C1GALT1: variants seen among roughly 807,000 people sequenced by gnomAD.
C1GALT1 encodes core 1 synthase, glycoprotein-N-acetylgalactosamine 3-beta-galactosyltransferase 1, also known as glycoprotein-N-acetylgalactosamine 3-beta-galactosyltransferase 1.
A neutral mutation model predicts 31.0 loss-of-function variants in C1GALT1; 11 were observed. The ratio of observed to expected loss-of-function variants is 0.36; its 90% CI spans 0.22 to 0.59. C1GALT1 has a LOEUF of 0.59. C1GALT1 is among the 20% of genes least tolerant of loss of function. The pLI is 0.79. For missense variants in C1GALT1, 424 were observed against 425.2 expected, an observed-to-expected ratio of 1.00 and a Z score of 0.03; for synonymous variants, 175 against 143.6, an observed-to-expected ratio of 1.22 and a Z score of -1.56.
chr7:7,242,228 T>TTA (rs1554298061), intron 3 of C1GALT1, among the ~76,000 whole-genome samples: 2 of 141,162 alleles, frequency 1.4e-5, no homozygotes, highest in Non-Finnish European at 1.5e-5. Context: ...TTTTTTTTTT[T>TTA]ACATTTTTTA....
At chr7:7,182,934 C>A in intron 1 of C1GALT1, 114 bp downstream of exon 1, 1 of 806,396 alleles carries the variant, frequency 1.2e-6, no homozygotes, top group Non-Finnish European at 1.5e-6. Flanking sequence ...ACCCCGGGCG[C>A]GGCGGAACAG....
chr7:7,241,741 A>G (rs1783638944), intron 3 of C1GALT1, among the ~76,000 whole-genome samples: 1 of 151,816 alleles, frequency 6.6e-6, no homozygotes, highest in African/African-American at 2.4e-5. Context: ...TGAATTCTCT[A>G]TTTCTGATGA....
chr7:7,169,229 A>G (rs934538470), intron 2 of C1GALT1, among the ~76,000 whole-genome samples: 5 of 152,198 alleles, frequency 3.3e-5, no homozygotes, highest in African/African-American at 9.7e-5. Flanking sequence ...CTGTATGTGT[A>G]TAAAATATTT....
intron 1 of C1GALT1, among the ~76,000 whole-genome samples, chr7:7,198,446 T>C (rs1467219925): frequency 1.3e-5 from 2 of 152,256 alleles, no homozygotes; most frequent in Non-Finnish European, 2.9e-5. Flanking sequence ...AGTATTTTAT[T>C]GAGGATTTTC....
At chr7:7,207,828 A>G (rs1190969512) in intron 1 of C1GALT1, among the ~76,000 whole-genome samples, 1 of 150,522 alleles carries the variant, frequency 6.6e-6, no homozygotes, top group African/African-American at 2.4e-5. Context: ...TTTGCCAAAG[A>G]TCAGTCTGAG....
intron 1 of C1GALT1, among the ~76,000 whole-genome samples, chr7:7,211,626 C>G (rs1312660816): frequency 6.6e-6 from 1 of 152,182 alleles, no homozygotes; most frequent in Non-Finnish European, 1.5e-5. Context: ...TAGATAATTT[C>G]CATCTAAAAT....
chr7:7,201,164 A>G (rs1781515475), intron 1 of C1GALT1, among the ~76,000 whole-genome samples: 1 of 152,154 alleles, frequency 6.6e-6, no homozygotes, highest in Non-Finnish European at 1.5e-5. Context: ...GATGATGGTG[A>G]CGTACAAAAT....
At chr7:7,176,411 C>T (rs570731036) in intron 2 of C1GALT1, among the ~76,000 whole-genome samples, 34 of 152,246 alleles carry the variant, frequency 2.2e-4, no homozygotes, top group East Asian at 1.2e-3. Flanking sequence ...ACTAAAGAAA[C>T]TTCAACTATT....
At chr7:7,187,233 C>G (rs1035813587) in intron 1 of C1GALT1, among the ~76,000 whole-genome samples, 4 of 151,458 alleles carry the variant, frequency 2.6e-5, no homozygotes, top group Admixed American at 2.6e-4. Flanking sequence ...TAAAAGTAGT[C>G]TTATCTCTAT....
At chr7:7,218,994 C>G (rs1380812209) in intron 1 of C1GALT1, among the ~76,000 whole-genome samples, 1 of 151,796 alleles carries the variant, frequency 6.6e-6, no homozygotes, top group Non-Finnish European at 1.5e-5. Flanking sequence ...CCACCACACC[C>G]GGCTAATTTT....
At chr7:7,225,293 T>C (rs560591971) in intron 1 of C1GALT1, among the ~76,000 whole-genome samples, 4 of 152,340 alleles carry the variant, frequency 2.6e-5, no homozygotes, top group Admixed American at 6.5e-5. Flanking sequence ...TTCCAAACTG[T>C]TTCTTTGCTA....
At chr7:7,175,499 T>G (rs1780495971) in intron 2 of C1GALT1, among the ~76,000 whole-genome samples, 2 of 152,242 alleles carry the variant, frequency 1.3e-5, no homozygotes, top group South Asian at 4.1e-4. Flanking sequence ...CCAAAGAAAC[T>G]CTCTCCAGAT....
intron 1 of C1GALT1, among the ~76,000 whole-genome samples, chr7:7,184,196 C>T (rs182694506): frequency 8.3e-4 from 126 of 152,304 alleles, no homozygotes; most frequent in South Asian, 1.7e-3. Context: ...TATAAAGTTT[C>T]AAGTTAGCAA....
intron 2 of C1GALT1, among the ~76,000 whole-genome samples, chr7:7,170,667 C>T (rs906309611): frequency 1.3e-5 from 2 of 152,114 alleles, no homozygotes; most frequent in Admixed American, 6.6e-5. Context: ...TCTGTGATCC[C>T]ACTTACTCAG....
At chr7:7,203,455 G>A (rs1781604767) in intron 1 of C1GALT1, among the ~76,000 whole-genome samples, 1 of 151,924 alleles carries the variant, frequency 6.6e-6, no homozygotes, top group Non-Finnish European at 1.5e-5. Flanking sequence ...GACCATGTAG[G>A]GTTTTTTTTT....
chr7:7,170,462 A>G (rs1444283150), intron 2 of C1GALT1, among the ~76,000 whole-genome samples: 2 of 152,154 alleles, frequency 1.3e-5, no homozygotes. Context: ...ATGTTTTAAT[A>G]TATGTGTTTT....
chr7:7,235,414 C>G (rs1783290114), intron 2 of C1GALT1: 1 of 152,160 alleles, frequency 6.6e-6, no homozygotes, highest in Admixed American at 6.6e-5. Flanking sequence ...AACTAGCAAA[C>G]ATAAACATAC....
At chr7:7,222,806 G>T (rs919111584) in intron 1 of C1GALT1, among the ~76,000 whole-genome samples, 1 of 152,180 alleles carries the variant, frequency 6.6e-6, no homozygotes, top group African/African-American at 2.4e-5. Context: ...TTATGTCTAA[G>T]ATTTGCATTA....
At chr7:7,199,161 C>G (rs1209518557) in intron 1 of C1GALT1, among the ~76,000 whole-genome samples, 3 of 152,298 alleles carry the variant, frequency 2.0e-5, no homozygotes, top group African/African-American at 7.2e-5. Context: ...CCTGCTTTCT[C>G]TTGTGGTCAT....
Sources: gnomAD v4.1 joint callset for allele counts (sites outside exome capture counted in the v4.1 genomes callset) on GRCh38, gnomAD v4.1.1 for gene constraint, MANE v1.5 for transcripts, NCBI Gene and HGNC (gene_info 2026-07-23, HGNC 2026-07-21) for gene names.